Variants in RERE observed in about 807,000 individuals in gnomAD.
RERE encodes the protein arginine-glutamic acid dipeptide repeats, also known as arginine-glutamic acid dipeptide repeats protein.
Under a neutral mutation model 146.1 loss-of-function variants are expected in RERE, and 40 were observed. The ratio of observed to expected loss-of-function variants is 0.27; its 90% CI spans 0.21 to 0.36. RERE has a LOEUF of 0.36. RERE is among the 10% of genes least tolerant of loss of function. The pLI is 1.00. For synonymous variants in RERE, 1,003 were observed against 866.0 expected (o/e 1.16, Z -2.78); for missense variants, 1,933 against 2,138.7 (o/e 0.90, Z 1.90).
chr1:8,667,927 T>C (rs1345731411), intron 1 of RERE, among the ~76,000 whole-genome samples: 5 of 152,188 alleles, frequency 3.3e-5, no homozygotes, highest in Non-Finnish European at 1.5e-5. Flanking sequence ...CTGTGCATTG[T>C]AGGATATTTC....
intron 4 of RERE, among the ~76,000 whole-genome samples, chr1:8,572,859 T>A (rs1646238716): frequency 6.6e-6 from 1 of 152,238 alleles, no homozygotes; most frequent in Non-Finnish European, 1.5e-5. Context: ...AAGTAACATT[T>A]ATTTACACTG....
At chr1:8,760,886 A>G (rs1640744840) in intron 1 of RERE, among the ~76,000 whole-genome samples, 1 of 152,190 alleles carries the variant, frequency 6.6e-6, no homozygotes, top group South Asian at 2.1e-4. Flanking sequence ...AGCACTTCTT[A>G]TGTTCCATGT....
intron 2 of RERE, among the ~76,000 whole-genome samples, chr1:8,637,511 C>T (rs1401176941): frequency 6.6e-6 from 1 of 152,132 alleles, no homozygotes; most frequent in Non-Finnish European, 1.5e-5. Context: ...AGAGTTAAAG[C>T]TGACCAAAAT....
At chr1:8,404,977 A>G (rs939018546) in intron 12 of RERE, among the ~76,000 whole-genome samples, 2 of 152,214 alleles carry the variant, frequency 1.3e-5, no homozygotes, top group African/African-American at 4.8e-5. Context: ...CTGACTCTGG[A>G]TAAACCAACT....
intron 12 of RERE, among the ~76,000 whole-genome samples, chr1:8,409,224 G>C (rs301790): frequency 0.29 from 43,894 of 152,082 alleles, 6,684 homozygotes; most frequent in Non-Finnish European, 0.32. Flanking sequence ...CAACCCGATT[G>C]CTGAGGATTC....
chr1:8,503,697 A>C (rs948309574), intron 8 of RERE, among the ~76,000 whole-genome samples: 12 of 152,224 alleles, frequency 7.9e-5, no homozygotes, highest in African/African-American at 2.4e-4. Flanking sequence ...AAATAATAAT[A>C]ATCTCATTAA....
At chr1:8,635,855 C>A (rs999646689) in intron 2 of RERE, among the ~76,000 whole-genome samples, 1 of 151,914 alleles carries the variant, frequency 6.6e-6, no homozygotes, top group African/African-American at 2.4e-5. Flanking sequence ...GATGCTAAGG[C>A]GAAAAAAACA....
At chr1:8,603,856 GTT>G (rs1379592268) in intron 4 of RERE, among the ~76,000 whole-genome samples, 1 of 149,960 alleles carries the variant, frequency 6.7e-6, no homozygotes, top group Non-Finnish European at 1.5e-5. Context: ...TACTCAGGAG[GTT>G]GAGACAGAGA....
chr1:8,491,321 T>C, intron 10 of RERE, among the ~76,000 whole-genome samples: 1 of 152,116 alleles, frequency 6.6e-6, no homozygotes, highest in East Asian at 1.9e-4. Context: ...ATGCCTGCAA[T>C]CCCAGCTACT....
At chr1:8,651,342 C>G (rs923577837) in intron 2 of RERE, among the ~76,000 whole-genome samples, 1 of 151,912 alleles carries the variant, frequency 6.6e-6, no homozygotes, top group Non-Finnish European at 1.5e-5. Context: ...CCCAGGAGTT[C>G]GAGGATGTGG....
intron 4 of RERE, among the ~76,000 whole-genome samples, chr1:8,582,059 G>A (rs1323927134): frequency 3.3e-5 from 5 of 151,926 alleles, no homozygotes; most frequent in Admixed American, 2.6e-4. Context: ...TTGCTTGCTG[G>A]TATATAATAT....
chr1:8,458,631 C>T (rs978255379), intron 11 of RERE, among the ~76,000 whole-genome samples: 1 of 152,044 alleles, frequency 6.6e-6, no homozygotes, highest in African/African-American at 2.4e-5. Context: ...ACAAGGTATG[C>T]TGGCTTTTAT....
intron 1 of RERE, among the ~76,000 whole-genome samples, chr1:8,724,912 A>C (rs528729042): frequency 3.1e-4 from 46 of 148,588 alleles, no homozygotes; most frequent in African/African-American, 1.1e-3. Flanking sequence ...TCTTTCCTAG[A>C]AACTTTCTAA....
In RERE at chr1:8,358,561, G is replaced by A. The variant is rs762860426; in HGVS notation, c.3974C>T (p.Pro1325Leu). ...RERELRERMK[P>L]GFEVKPPELD... ...CTCTGGGGGCTTCACCTCGAAGCCC[G>A]GCTTCATCCTCTCCCGCAGCTCCCG... The change falls in exon 20 of 23, where the codon CCG (proline) becomes CTG (leucine). Residue 1325 changes from proline to leucine, a missense_variant. By Grantham distance (98) the Pro-to-Leu change is moderately conservative. Around this residue, in one of 11 missense-constraint regions of RERE, gnomAD observed 1,255 missense variants for 1,153.8 expected, o/e 1.09. Coordinates refer to ENST00000400908, the MANE Select transcript of RERE (RefSeq NM_001042681.2). 7 of 1,605,656 alleles carry A rather than the reference G, an allele frequency of 4.4e-6. No homozygotes were observed. Among genetic ancestry groups the A allele is most frequent in the Admixed American group, 1.7e-5 (1 of 59,000 alleles).
chr1:8,682,777 T>C (rs1638999709), intron 1 of RERE, among the ~76,000 whole-genome samples: 1 of 152,178 alleles, frequency 6.6e-6, no homozygotes, highest in South Asian at 2.1e-4. Context: ...TGATGACTCA[T>C]ACTTCACAGG....
At chr1:8,465,787 C>G (rs762075731) in intron 11 of RERE, 138 bp downstream of exon 11, 1 of 727,460 alleles carries the variant, frequency 1.4e-6, no homozygotes, top group Non-Finnish European at 2.5e-6. Flanking sequence ...GGGCCCCATC[C>G]TCCTGCCTGG....
At chr1:8,735,768 T>G (rs1290702042) in intron 1 of RERE, among the ~76,000 whole-genome samples, 1 of 152,140 alleles carries the variant, frequency 6.6e-6, no homozygotes, top group African/African-American at 2.4e-5. Context: ...TCCGCCTCTC[T>G]TCCTCCTACT....
At chr1:8,440,675 G>A (rs1264753893) in intron 11 of RERE, among the ~76,000 whole-genome samples, 1 of 147,342 alleles carries the variant, frequency 6.8e-6, no homozygotes, top group Admixed American at 6.9e-5. Flanking sequence ...ATCACCTAAC[G>A]TCGAGTTTGA....
chr1:8,794,060 T>TCC (rs1386484398), intron 1 of RERE, among the ~76,000 whole-genome samples: 1 of 146,312 alleles, frequency 6.8e-6, no homozygotes, highest in South Asian at 2.2e-4. Flanking sequence ...AAAGCAAGAC[T>TCC]GTCTCAAAAA....
Sources: allele counts gnomAD v4.1 joint callset (sites outside exome capture counted in the v4.1 genomes callset), GRCh38; gene constraint gnomAD v4.1.1; regional missense constraint gnomAD v4.1.1; transcripts MANE v1.5; gene names NCBI Gene and HGNC (gene_info 2026-07-23, HGNC 2026-07-21).